Variants in SORCS1 observed in about 807,000 individuals in gnomAD.
SORCS1 encodes sortilin related VPS10 domain containing receptor 1, also known as VPS10 domain-containing receptor SorCS1.
SORCS1 carries 60 observed loss-of-function variants against 146.1 expected under a neutral mutation model. That is an observed-to-expected ratio of 0.41 (90% CI 0.33 to 0.51). The LOEUF is 0.51. SORCS1 is among the 20% of genes least tolerant of loss of function. The pLI is 0.21. For missense variants in SORCS1, 1,352 were observed against 1,487.6 expected, an observed-to-expected ratio of 0.91 and a Z score of 1.50; for synonymous variants, 637 against 584.0, an observed-to-expected ratio of 1.09 and a Z score of -1.31.
In SORCS1 at chr10:107,080,150, C is replaced by T. The variant is rs561192681; in HGVS notation, c.558+83819G>A. ...TTTTAGGACCATTTTGAACAACCTG[C>T]TTCTAATGTATTTCATTAGCTTCCT... On this transcript the variant is annotated intron_variant, in intron 1 of 25. Transcript: ENST00000263054. Among the ~76,000 whole-genome samples, 12 of 152,270 alleles carry T rather than the reference C, an allele frequency of 7.9e-5. 3 individuals are homozygous for T. The highest frequency in any genetic ancestry group is 2.9e-4 in the African/African-American group (12 of 41,570).
At chr10:106,888,086 C>T (rs762537896) in intron 2 of SORCS1, among the ~76,000 whole-genome samples, 7 of 151,900 alleles carry the variant, frequency 4.6e-5, no homozygotes, top group Non-Finnish European at 7.4e-5. Context: ...TGGTGTCATA[C>T]GGATAAGTGA....
intron 5 of SORCS1, 97 bp downstream of exon 5, chr10:106,761,491 T>G: frequency 3.0e-5 from 31 of 1,031,236 alleles, no homozygotes; most frequent in Non-Finnish European, 3.9e-5. Flanking sequence ...AGACCTTATG[T>G]GAGAGCACTG....
intron 23 of SORCS1, among the ~76,000 whole-genome samples, chr10:106,604,108 A>G (rs1013177073): frequency 2.6e-5 from 4 of 152,156 alleles, no homozygotes; most frequent in African/African-American, 9.7e-5. Context: ...TTGCTTTCCT[A>G]TGTGTTGGCT....
chr10:106,866,803 A>G (rs1589590400), intron 2 of SORCS1, among the ~76,000 whole-genome samples: 1 of 152,260 alleles, frequency 6.6e-6, no homozygotes, highest in East Asian at 1.9e-4. Context: ...AAAACGCTGC[A>G]GAAAACCTCG....
intron 4 of SORCS1, among the ~76,000 whole-genome samples, chr10:106,774,716 C>G: frequency 6.6e-6 from 1 of 152,114 alleles, no homozygotes; most frequent in East Asian, 1.9e-4. Flanking sequence ...CATCCAGTCC[C>G]TTGTATATAA....
chr10:106,951,394 C>CA (rs2138907993), intron 2 of SORCS1, among the ~76,000 whole-genome samples: 1 of 151,954 alleles, frequency 6.6e-6, no homozygotes, highest in Admixed American at 6.6e-5. Context: ...TCTGTAGTCT[C>CA]AGCTACTAGG....
intron 1 of SORCS1, among the ~76,000 whole-genome samples, chr10:107,163,752 G>A (rs929934258): frequency 6.6e-6 from 1 of 152,154 alleles, no homozygotes; most frequent in African/African-American, 2.4e-5. Flanking sequence ...TGAAGCTGTG[G>A]CATTTGGAGA....
At chr10:107,117,096 G>C (rs976801384) in intron 1 of SORCS1, among the ~76,000 whole-genome samples, 1 of 152,176 alleles carries the variant, frequency 6.6e-6, no homozygotes, top group Non-Finnish European at 1.5e-5. Flanking sequence ...AGGAGAACTT[G>C]AAGATTTGAA....
chr10:106,747,724 G>A (rs528943863), intron 5 of SORCS1, among the ~76,000 whole-genome samples: 2 of 152,050 alleles, frequency 1.3e-5, no homozygotes, highest in African/African-American at 2.4e-5. Flanking sequence ...ATAAGTGCTC[G>A]TGTTCTATAG....
At chr10:106,759,411 G>T (rs927703769) in intron 5 of SORCS1, among the ~76,000 whole-genome samples, 4 of 152,176 alleles carry the variant, frequency 2.6e-5, no homozygotes, top group Non-Finnish European at 5.9e-5. Flanking sequence ...TAAAAATCTT[G>T]AAACAACCTA....
At chr10:106,800,927 G>GCACC (rs774253395) in intron 3 of SORCS1, among the ~76,000 whole-genome samples, 43 of 152,196 alleles carry the variant, frequency 2.8e-4, no homozygotes, top group Non-Finnish European at 5.6e-4. Context: ...TCCTTCAAAA[G>GCACC]CACCCTGGGA....
At chr10:106,664,234 C>T (rs1303053437) in intron 17 of SORCS1, among the ~76,000 whole-genome samples, 1 of 152,168 alleles carries the variant, frequency 6.6e-6, no homozygotes, top group Non-Finnish European at 1.5e-5. Context: ...ATTGCTAAGT[C>T]ACATTTTAAT....
chr10:106,804,205 T>C (rs1016061658), intron 3 of SORCS1, among the ~76,000 whole-genome samples: 1 of 152,112 alleles, frequency 6.6e-6, no homozygotes, highest in African/African-American at 2.4e-5. Context: ...ATATGGCTAC[T>C]TGCCATATCA....
intron 3 of SORCS1, among the ~76,000 whole-genome samples, chr10:106,777,940 T>A (rs1311308609): frequency 6.6e-6 from 1 of 152,154 alleles, no homozygotes; most frequent in Non-Finnish European, 1.5e-5. Context: ...AAGAAATCAC[T>A]GCAGCCCAAG....
At chr10:107,007,943 T>C (rs1012340768) in intron 1 of SORCS1, among the ~76,000 whole-genome samples, 12 of 152,232 alleles carry the variant, frequency 7.9e-5, no homozygotes, top group African/African-American at 2.2e-4. Flanking sequence ...ATTTCAGTGC[T>C]GATCTAAATT....
chr10:107,025,265 C>G (rs142379220), intron 1 of SORCS1, among the ~76,000 whole-genome samples: 3 of 152,268 alleles, frequency 2.0e-5, no homozygotes, highest in African/African-American at 7.2e-5. Context: ...AAAGTTCTAG[C>G]TAAAACAGAT....
intron 18 of SORCS1, among the ~76,000 whole-genome samples, chr10:106,647,593 A>G (rs1478649961): frequency 3.9e-5 from 6 of 152,232 alleles, no homozygotes; most frequent in African/African-American, 1.2e-4. Context: ...ACAAAGGCTC[A>G]TAGCAATTCA....
chr10:106,745,974 CA>C (rs1857709222), intron 5 of SORCS1, among the ~76,000 whole-genome samples: 1 of 152,132 alleles, frequency 6.6e-6, no homozygotes, highest in Non-Finnish European at 1.5e-5. Flanking sequence ...GAGAAAATAT[CA>C]GACTAACTAA....
intron 1 of SORCS1, among the ~76,000 whole-genome samples, chr10:106,988,151 G>A (rs1343508256): frequency 3.9e-5 from 6 of 152,290 alleles, no homozygotes; most frequent in African/African-American, 7.2e-5. Flanking sequence ...AAAGGCAGAC[G>A]TTGATCGCTA....
Sources: allele counts gnomAD v4.1 joint callset (sites outside exome capture counted in the v4.1 genomes callset), GRCh38; gene constraint gnomAD v4.1.1; transcripts MANE v1.5; gene names NCBI Gene and HGNC (gene_info 2026-07-23, HGNC 2026-07-21).